Variants in GASK1A observed in about 807,000 individuals in gnomAD.
GASK1A encodes the protein Golgi-associated kinase 1A.
In GASK1A, 40 loss-of-function variants were observed where a neutral mutation model predicts 41.2. The ratio of observed to expected loss-of-function variants is 0.97; its 90% confidence interval spans 0.75 to 1.27. The LOEUF (loss-of-function observed/expected upper bound fraction) is 1.27, where lower values mean the gene tolerates loss of function less well. Among genes scored for constraint, GASK1A ranks in the 50% most tolerant of loss-of-function variants. GASK1A has a pLI of 0.00. For missense variants in GASK1A, 678 were observed against 745.1 expected (o/e 0.91, Z 1.05); for synonymous variants, 316 against 307.1 (o/e 1.03, Z -0.30).
chr3:43,048,579 T>G lies in GASK1A; in HGVS notation c.1291-4942T>G, dbSNP rs2089674578. On this transcript the variant is annotated intron_variant, in intron 2 of 4. Coordinates refer to ENST00000430121, the MANE Select transcript of GASK1A (RefSeq NM_001129908.3). ...ATGGGCAAGTGAGGCTGAACCCAGATGAGGGCCCTTGACAGACTGTGTAGA... is the reference window on the plus strand; with the variant it reads ...ATGGGCAAGTGAGGCTGAACCCAGAGGAGGGCCCTTGACAGACTGTGTAGA... Among the ~76,000 whole-genome samples, 2 of 152,218 alleles carry G rather than the reference T, an allele frequency of 1.3e-5. 1 individual carries two copies. The highest frequency in any genetic ancestry group is 4.1e-4 in the South Asian group (2 of 4,822).
chr3:43,044,521 G>A (rs925766066), intron 2 of GASK1A, among the ~76,000 whole-genome samples: 4 of 152,096 alleles, frequency 2.6e-5, no homozygotes, highest in African/African-American at 9.7e-5. Flanking sequence ...CCCCATGGGA[G>A]TATCACCTCC....
intron 2 of GASK1A, chr3:43,037,221 A>G (rs2089608969): frequency 1.8e-6 from 2 of 1,123,910 alleles, no homozygotes; most frequent in South Asian, 1.2e-5. Flanking sequence ...GTCCTCTGCT[A>G]TGTCTTCAGA....
chr3:42,990,053 G>C (rs2089331768), intron 1 of GASK1A, among the ~76,000 whole-genome samples: 1 of 152,134 alleles, frequency 6.6e-6, no homozygotes, highest in South Asian at 2.1e-4. Flanking sequence ...GCAGGGCCAG[G>C]TGTGGTGGCT....
intron 1 of GASK1A, among the ~76,000 whole-genome samples, chr3:43,007,668 G>A (rs2089443589): frequency 6.6e-6 from 1 of 152,136 alleles, no homozygotes; most frequent in Admixed American, 6.5e-5. Flanking sequence ...TGCTTTTATG[G>A]TTGACTGCTT....
intron 1 of GASK1A, among the ~76,000 whole-genome samples, chr3:43,014,924 G>T (rs146245731): frequency 6.6e-6 from 1 of 151,870 alleles, no homozygotes; most frequent in African/African-American, 2.4e-5. Context: ...GGAATGGGCA[G>T]TGTGAAGCTA....
intron 1 of GASK1A, among the ~76,000 whole-genome samples, chr3:43,020,994 A>G (rs1045136665): frequency 2.0e-5 from 3 of 152,224 alleles, no homozygotes; most frequent in African/African-American, 7.2e-5. Context: ...AATGCTATTA[A>G]GGACACTGCC....
At chr3:43,051,541 G>A (rs1575453175) in intron 2 of GASK1A, among the ~76,000 whole-genome samples, 3 of 152,260 alleles carry the variant, frequency 2.0e-5, no homozygotes, top group Admixed American at 1.3e-4. Flanking sequence ...TGTGCATGTG[G>A]CTTTCTAGAT....
intron 1 of GASK1A, among the ~76,000 whole-genome samples, chr3:43,011,166 G>C (rs560701537): frequency 3.3e-5 from 5 of 152,062 alleles, no homozygotes; most frequent in Non-Finnish European, 5.9e-5. Context: ...GGCAGATCAC[G>C]AGGTCAGGAG....
chr3:43,056,066 G>T, intron 4 of GASK1A, 110 bp from the exon 5 acceptor site: 3 of 849,492 alleles, frequency 3.5e-6, no homozygotes. Context: ...CTTTACCAGA[G>T]TTCCTCAGCT....
chr3:43,033,588 C>A, intron 2 of GASK1A, 35 bp downstream of exon 2: 1 of 1,480,514 alleles, frequency 6.8e-7, no homozygotes, highest in Non-Finnish European at 9.0e-7. Flanking sequence ...TAGAGAGCTG[C>A]GGAGGTAGGG....
At chr3:43,044,548 A>G (rs2125690500) in intron 2 of GASK1A, among the ~76,000 whole-genome samples, 1 of 152,244 alleles carries the variant, frequency 6.6e-6, no homozygotes, top group African/African-American at 2.4e-5. Flanking sequence ...TGTTGATGAG[A>G]AAACTGAGGC....
At chr3:42,996,253 A>G (rs1396207734) in intron 1 of GASK1A, among the ~76,000 whole-genome samples, 1 of 152,258 alleles carries the variant, frequency 6.6e-6, no homozygotes, top group Admixed American at 6.5e-5. Flanking sequence ...TAATAGCAAC[A>G]ATCCTAATGA....
intron 1 of GASK1A, among the ~76,000 whole-genome samples, chr3:43,000,805 A>C (rs1386351740): frequency 2.0e-5 from 3 of 152,190 alleles, no homozygotes; most frequent in Admixed American, 6.5e-5. Context: ...GGACCATTTC[A>C]TTGTAGTTGT....
chr3:43,038,548 A>G (rs564832862), intron 2 of GASK1A, among the ~76,000 whole-genome samples: 4 of 151,718 alleles, frequency 2.6e-5, no homozygotes, highest in Admixed American at 1.3e-4. Context: ...TTGCTGTTTT[A>G]TGCTTTCATA....
At chr3:43,021,030 A>C (rs1443832803) in intron 1 of GASK1A, among the ~76,000 whole-genome samples, 1 of 152,178 alleles carries the variant, frequency 6.6e-6, no homozygotes, top group Non-Finnish European at 1.5e-5. Context: ...TTCATGGCTG[A>C]GAGCTGCACT....
chr3:42,997,089 G>A (rs756387174), intron 1 of GASK1A, among the ~76,000 whole-genome samples: 78 of 152,344 alleles, frequency 5.1e-4, no homozygotes, highest in Admixed American at 2.1e-3. Flanking sequence ...TGTCCAGGCC[G>A]AGGGGCCCTG....
intron 2 of GASK1A, among the ~76,000 whole-genome samples, chr3:43,048,567 G>T (rs1037126082): frequency 6.6e-6 from 1 of 152,222 alleles, no homozygotes; most frequent in African/African-American, 2.4e-5. Flanking sequence ...GGCAAGTGAG[G>T]CTGAACCCAG....
chr3:43,032,554 T>C lies in GASK1A; in HGVS notation c.291T>C (p.His97=). The C allele has an allele frequency of 6.5e-7, 1 of 1,549,358 alleles. No individual in the cohort carries two copies. Reference sequence around the variant, plus strand: ...TGGTCTGTGCTGAGGAGCAAGGCCATAGAGCAAGAGTGGACAGAAGCAGGG... The same window carrying C: ...TGGTCTGTGCTGAGGAGCAAGGCCACAGAGCAAGAGTGGACAGAAGCAGGG... ...SILVCAEEQG[H]RARVDRSRES... Residue 97 remains histidine, a synonymous_variant, in exon 2 of 5, where the codon CAT becomes CAC. Transcript: ENST00000430121.
intron 1 of GASK1A, among the ~76,000 whole-genome samples, chr3:43,013,193 A>G (rs1161939801): frequency 6.6e-6 from 1 of 151,838 alleles, no homozygotes; most frequent in African/African-American, 2.4e-5. Flanking sequence ...GTGTGAAGTC[A>G]CTGGAAGGGG....
Sources: allele counts gnomAD v4.1 joint callset (sites outside exome capture counted in the v4.1 genomes callset), GRCh38; gene constraint gnomAD v4.1.1; transcripts MANE v1.5; gene names NCBI Gene and HGNC (gene_info 2026-07-23, HGNC 2026-07-21).